Variants in SLC39A9 observed in about 807,000 individuals in gnomAD.
SLC39A9 encodes solute carrier family 39 member 9, also known as zinc transporter ZIP9.
SLC39A9 carries 14 observed loss-of-function variants against 28.4 expected under a neutral mutation model. The observed-to-expected ratio is 0.49, with a 90% confidence interval of 0.33 to 0.77. The LOEUF is 0.77. Ranked by LOEUF, SLC39A9 falls within the 30% of genes least tolerant of loss-of-function variation. The probability of loss-of-function intolerance (pLI) is 0.02; values close to 1 mark genes in which losing one functional copy is unlikely to be tolerated. For synonymous variants in SLC39A9, 119 were observed against 149.6 expected, an observed-to-expected ratio of 0.80 and a Z score of 1.49; for missense variants, 283 against 381.1, an observed-to-expected ratio of 0.74 and a Z score of 2.14.
intron 1 of SLC39A9, among the ~76,000 whole-genome samples, chr14:69,406,912 G>A (rs549671938): frequency 7.9e-5 from 11 of 139,664 alleles, no homozygotes; most frequent in Non-Finnish European, 1.2e-4. Flanking sequence ...GTGCAGTGGC[G>A]TGATCTCAGC....
chr14:69,457,754 G>A (rs1241791117), intron 6 of SLC39A9, among the ~76,000 whole-genome samples: 1 of 152,192 alleles, frequency 6.6e-6, no homozygotes, highest in Non-Finnish European at 1.5e-5. Context: ...AGGAGCAGTG[G>A]CGCATACCTG....
At chr14:69,417,691 C>T (rs1290517943) in intron 1 of SLC39A9, among the ~76,000 whole-genome samples, 1 of 152,132 alleles carries the variant, frequency 6.6e-6, no homozygotes, top group Non-Finnish European at 1.5e-5. Flanking sequence ...TCCTTCACAT[C>T]CCTTGTAATT....
rs780025525 is a variant in SLC39A9, at chr14:69,454,919, G to A, written c.558+22G>A. ...TAAGGTAAGCAACATTTTGGTGTAA[G>A]GTTTGGTATTGAGTGTATTCATAAT... is the stretch of plus-strand genomic sequence containing the variant. On this transcript the variant is annotated intron_variant, in intron 5 of 6. Coordinates refer to ENST00000336643, the MANE Select transcript of SLC39A9 (RefSeq NM_018375.5). 5.7e-6 allele frequency: 9 copies of A among 1,591,152 alleles called. 1 individual carries two copies. Among genetic ancestry groups the A allele is most frequent in the South Asian group, 2.2e-5 (2 of 89,888 alleles).
rs1884279416 is a variant in SLC39A9 at position 69,427,832 on chromosome 14, G to T, written c.205+3630G>T. ...TAACTTGTTATAACATGTCTGAACA[G>T]GATCTACTTAGAGGCACTAAGAAGG... is the stretch of plus-strand genomic sequence containing the variant. On this transcript the variant is annotated intron_variant, in intron 2 of 6. Coordinates refer to ENST00000336643, the MANE Select transcript of SLC39A9 (RefSeq NM_018375.5). Among the ~76,000 whole-genome samples the T allele has an allele frequency of 3.3e-5, 5 of 152,208 alleles. No homozygotes were observed. In the South Asian group the frequency reaches 1.0e-3, roughly 32 times the overall value.
chr14:69,460,985 T>G lies in SLC39A9; in HGVS notation c.*2392T>G, dbSNP rs1272997422. 1 of 985,466 alleles carries G rather than the reference T, an allele frequency of 1.0e-6. No homozygotes were observed. The highest frequency in any genetic ancestry group is 1.1e-4 in the East Asian group (1 of 8,830). 61.0% of individuals were successfully genotyped at this position (985,466 alleles called of 1,614,324 possible). On this transcript the variant is annotated 3_prime_UTR_variant, in exon 7 of 7. Coordinates refer to ENST00000336643, the MANE Select transcript of SLC39A9 (RefSeq NM_018375.5). The stretch of plus-strand genomic sequence containing the variant: ...AGCTTGCTGGCATGGTGGGCAGTAT[T>G]CCAGGAGAGGCCATGTCCGTGTTCA...
At position 69,459,633 on chromosome 14, in the gene SLC39A9, G is replaced by A. The variant is rs1886029757; in HGVS notation, c.*1040G>A. Reference sequence around the variant, plus strand: ...ACCTAAATACTAGGTCAGCTTTGGCGACACTGTGTCTTCTCACATAACCAC... The same window carrying A: ...ACCTAAATACTAGGTCAGCTTTGGCAACACTGTGTCTTCTCACATAACCAC... On this transcript the variant is annotated 3_prime_UTR_variant, in exon 7 of 7. Coordinates refer to ENST00000336643, the MANE Select transcript of SLC39A9 (RefSeq NM_018375.5). 3 of 983,580 alleles carry A rather than the reference G, an allele frequency of 3.1e-6. No homozygotes were observed. Among genetic ancestry groups the A allele is most frequent in the Non-Finnish European group, 3.6e-6 (3 of 829,208 alleles). 60.9% of individuals were successfully genotyped at this position (983,580 alleles called of 1,614,324 possible).
intron 1 of SLC39A9, among the ~76,000 whole-genome samples, chr14:69,408,282 G>C (rs1024600857): frequency 1.3e-5 from 2 of 152,144 alleles, no homozygotes; most frequent in Non-Finnish European, 2.9e-5. Flanking sequence ...GGAAGTGCTG[G>C]GATTACAGGT....
intron 6 of SLC39A9, among the ~76,000 whole-genome samples, chr14:69,458,116 A>G (rs1885952052): frequency 6.6e-6 from 1 of 152,220 alleles, no homozygotes; most frequent in African/African-American, 2.4e-5. Context: ...CCCTATAAAT[A>G]TATATAATTA....
intron 2 of SLC39A9, chr14:69,428,831 T>C (rs534946993): frequency 1.3e-5 from 2 of 152,376 alleles, no homozygotes; most frequent in Non-Finnish European, 2.9e-5. Flanking sequence ...ATTTTACTTG[T>C]TGATTTTCTA....
rs558610922 is a variant in SLC39A9 at position 69,446,855 on chromosome 14, A to G, written c.403+4589A>G. ...GCCATTGCACTCCAGCCTGGGAGAC[A>G]AGAACTAAACTCTGTCTCAAAAAAA... On this transcript the variant is annotated intron_variant, in intron 3 of 6. Coordinates refer to ENST00000336643, the MANE Select transcript of SLC39A9 (RefSeq NM_018375.5). 3.1e-4 allele frequency among the ~76,000 whole-genome samples: 47 copies of G among 149,454 alleles called. 1 individual carries two copies. Among genetic ancestry groups the G allele is most frequent in the Non-Finnish European group, 1.8e-4 (12 of 67,400 alleles).
intron 5 of SLC39A9, 90 bp downstream of exon 5, chr14:69,454,987 C>A: frequency 1.1e-6 from 1 of 885,990 alleles, no homozygotes; most frequent in Non-Finnish European, 1.8e-6. Flanking sequence ...GGAATGGGAA[C>A]ATTTTCTTCA....
intron 2 of SLC39A9, among the ~76,000 whole-genome samples, chr14:69,433,794 T>C (rs1468072086): frequency 6.6e-6 from 1 of 152,154 alleles, no homozygotes; most frequent in African/African-American, 2.4e-5. Flanking sequence ...CTTTCTTTTC[T>C]TCTTTCTTTG....
intron 1 of SLC39A9, among the ~76,000 whole-genome samples, chr14:69,408,707 A>G (rs1383933351): frequency 6.6e-6 from 1 of 152,224 alleles, no homozygotes; most frequent in South Asian, 2.1e-4. Flanking sequence ...GTGAGTCTAC[A>G]AGCCTCTAGA....
chr14:69,411,921 T>C (rs1045862774), intron 1 of SLC39A9, among the ~76,000 whole-genome samples: 6 of 151,726 alleles, frequency 4.0e-5, no homozygotes, highest in Non-Finnish European at 7.4e-5. Context: ...TAGCTGGGAC[T>C]ACAGGCACAT....
Position 69,459,555 on chromosome 14 carries a change from T to G in SLC39A9, c.*962T>G. 5 of 941,852 alleles carry G rather than the reference T, an allele frequency of 5.3e-6. No individual in the cohort carries two copies. The highest frequency in any genetic ancestry group is 2.0e-5 in the African/African-American group (1 of 48,872). The allele number at this position is 941,852 out of a possible 1,614,324, so 58.3% of individuals were successfully genotyped here. A position where few individuals can be genotyped will look rare whatever the true frequency, so the allele number is the denominator to read the frequency against. On this transcript the variant is annotated 3_prime_UTR_variant, in exon 7 of 7. Coordinates refer to ENST00000336643, the MANE Select transcript of SLC39A9 (RefSeq NM_018375.5). ...AAAATGTATGGTTGTCCTTTTTTTT[T>G]GTTTTTTTTTTTTTTAATTATTTCT...
In SLC39A9 at chr14:69,415,982, A is replaced by G. The variant is rs190311114; in HGVS notation, c.97-8112A>G. On this transcript the variant is annotated intron_variant, in intron 1 of 6. Coordinates refer to ENST00000336643, the MANE Select transcript of SLC39A9 (RefSeq NM_018375.5). The stretch of plus-strand genomic sequence containing the variant: ...CATGTGCACAATGTGCAGGTTTGTT[A>G]CATATGTATACATGTGCCATGTTGG... 3.2e-3 allele frequency among the ~76,000 whole-genome samples: 494 copies of G among 152,224 alleles called. 3 individuals carry two copies. Among genetic ancestry groups the G allele is most frequent in the African/African-American group, 0.011 (449 of 41,508 alleles).
intron 1 of SLC39A9, among the ~76,000 whole-genome samples, chr14:69,410,824 ATT>A (rs149794392): frequency 1.4e-5 from 2 of 142,420 alleles, no homozygotes; most frequent in Non-Finnish European, 3.1e-5. Flanking sequence ...TGTACCTTTG[ATT>A]TTTTTTTTTT....
At chr14:69,398,583 C>A (rs1259247901), upstream of SLC39A9, 3 of 346,460 alleles carry the variant, frequency 8.7e-6, no homozygotes, top group Non-Finnish European at 1.6e-5. Flanking sequence ...TTCATTAGCC[C>A]TACTCAAAAA....
In SLC39A9 at chr14:69,409,161, A is replaced by G. The variant is rs116222931; in HGVS notation, c.96+9696A>G. 3.0e-3 allele frequency among the ~76,000 whole-genome samples: 457 copies of G among 152,338 alleles called. 3 individuals carry two copies. The highest frequency in any genetic ancestry group is 0.01 in the African/African-American group (436 of 41,574). On this transcript the variant is annotated intron_variant, in intron 1 of 6. Transcript: ENST00000336643. Reference sequence around the variant, plus strand: ...GTATAAAAGGAAAATAAAATTATCTATTATCCAACTGTTCAATTAGAATCA... The same window carrying G: ...GTATAAAAGGAAAATAAAATTATCTGTTATCCAACTGTTCAATTAGAATCA...
Sources: allele counts gnomAD v4.1 joint callset (sites outside exome capture counted in the v4.1 genomes callset), GRCh38; gene constraint gnomAD v4.1.1; transcripts MANE v1.5; gene names NCBI Gene and HGNC (gene_info 2026-07-23, HGNC 2026-07-21).